The following ZFHX3 variants were observed in gnomAD, a reference collection of about 807,000 sequenced individuals.
The protein encoded by ZFHX3 is zinc finger homeobox 3.
ZFHX3 carries 42 observed loss-of-function variants against 279.1 expected under a neutral mutation model. The observed-to-expected ratio is 0.15, with a 90% CI of 0.12 to 0.19. The LOEUF is 0.19. ZFHX3 is among the 10% of genes least tolerant of loss of function. The pLI, the probability that ZFHX3 is intolerant of heterozygous loss-of-function variation, is 1.00. For missense variants in ZFHX3, 4,981 were observed against 4,754.0 expected, an observed-to-expected ratio of 1.05 and a Z score of -1.40; for synonymous variants, 2,293 against 1,957.8, an observed-to-expected ratio of 1.17 and a Z score of -4.52.
chr16:73,028,640 C>T (rs751208260), intron 1 of ZFHX3, among the ~76,000 whole-genome samples: 19 of 152,182 alleles, frequency 1.2e-4, no homozygotes, highest in Non-Finnish European at 2.4e-4. Flanking sequence ...CTCAACCGCT[C>T]GGAGGGATTC....
At chr16:73,810,265 C>T (rs927181290) in intron 1 of ZFHX3, among the ~76,000 whole-genome samples, 1 of 152,142 alleles carries the variant, frequency 6.6e-6, no homozygotes, top group Non-Finnish European at 1.5e-5. Context: ...AGTCTCTTGC[C>T]ATTTTTAATA....
At chr16:73,495,511 A>G (rs1224223281) in intron 2 of ZFHX3, among the ~76,000 whole-genome samples, 1 of 152,224 alleles carries the variant, frequency 6.6e-6, no homozygotes, top group East Asian at 1.9e-4. Flanking sequence ...AGGAAATAGC[A>G]AAATTCCAGG....
At chr16:73,129,680 ATGTGTGCGCGCATGTG>A (rs1966639761) in intron 7 of ZFHX3, among the ~76,000 whole-genome samples, 1 of 140,670 alleles carries the variant, frequency 7.1e-6, no homozygotes, top group African/African-American at 3.2e-5. Flanking sequence ...GCCTGTGTGC[ATGTGTGCGCGCATGTG>A]CATGTGTGTG....
At chr16:73,880,607 C>A (rs1263546863) in intron 1 of ZFHX3, among the ~76,000 whole-genome samples, 3 of 152,092 alleles carry the variant, frequency 2.0e-5, no homozygotes, top group Admixed American at 1.3e-4. Flanking sequence ...AGGCTTAGAG[C>A]AGTGTAGCTC....
intron 2 of ZFHX3, among the ~76,000 whole-genome samples, chr16:73,629,272 G>C (rs1359088010): frequency 1.3e-5 from 2 of 152,112 alleles, no homozygotes; most frequent in African/African-American, 2.4e-5. Context: ...AATTTCATAT[G>C]GTATTCAGAA....
At chr16:73,084,613 C>A (rs534595770) in intron 8 of ZFHX3, among the ~76,000 whole-genome samples, 1 of 150,800 alleles carries the variant, frequency 6.6e-6, no homozygotes, top group African/African-American at 2.4e-5. Flanking sequence ...CTCCACTTCC[C>A]GGGTTCACAC....
intron 3 of ZFHX3, among the ~76,000 whole-genome samples, chr16:73,436,026 T>C (rs2143525472): frequency 6.6e-6 from 1 of 152,258 alleles, no homozygotes; most frequent in East Asian, 1.9e-4. Context: ...TGAGACTGGG[T>C]AATTTATAAA....
chr16:73,334,810 C>CCTT (rs1555510772), intron 3 of ZFHX3, among the ~76,000 whole-genome samples: 3,785 of 57,938 alleles, frequency 0.065, 539 homozygotes, highest in East Asian at 0.23. Flanking sequence ...CTTTCTCATT[C>CCTT]TTTTTTTTTT....
At chr16:73,890,981 C>G (rs563955274) in intron 1 of ZFHX3, among the ~76,000 whole-genome samples, 11 of 151,926 alleles carry the variant, frequency 7.2e-5, no homozygotes, top group Non-Finnish European at 1.3e-4. Flanking sequence ...CTCTCTCACT[C>G]CGTCTGTCTT....
intron 5 of ZFHX3, among the ~76,000 whole-genome samples, chr16:73,230,035 A>G (rs1005508675): frequency 6.6e-6 from 1 of 152,242 alleles, no homozygotes; most frequent in Non-Finnish European, 1.5e-5. Flanking sequence ...GAATGAATTA[A>G]TAGAGACACA....
intron 3 of ZFHX3, among the ~76,000 whole-genome samples, chr16:73,411,634 A>T (rs1488698464): frequency 6.6e-6 from 1 of 152,224 alleles, no homozygotes; most frequent in Non-Finnish European, 1.5e-5. Context: ...TTAAAATTTT[A>T]AAATTAACTA....
At chr16:73,729,311 G>A (rs1045701260) in intron 1 of ZFHX3, among the ~76,000 whole-genome samples, 6 of 152,214 alleles carry the variant, frequency 3.9e-5, no homozygotes, top group African/African-American at 7.2e-5. Flanking sequence ...TGGATCATTT[G>A]AGGTAAGGAG....
chr16:73,048,689 T>C (rs530729553), upstream of ZFHX3, among the ~76,000 whole-genome samples: 1 of 152,206 alleles, frequency 6.6e-6, no homozygotes, highest in Non-Finnish European at 1.5e-5. Flanking sequence ...CACTCAAGCA[T>C]GGGGACAGGA....
intron 1 of ZFHX3, among the ~76,000 whole-genome samples, chr16:73,040,489 G>C (rs1965070754): frequency 6.6e-6 from 1 of 152,158 alleles, no homozygotes; most frequent in Admixed American, 6.5e-5. Flanking sequence ...GGCCTCTCTA[G>C]GTGGGTCATT....
At position 72,892,982 on chromosome 16, in the gene ZFHX3, C is replaced by T. The variant is rs75553218; in HGVS notation, c.3217-3020G>A. On this transcript the variant is annotated intron_variant, in intron 3 of 9. Transcript: ENST00000268489. ...AAGATGAGCTAGCCCACGTCCCTTC[C>T]CCCAACTACTCCCCGAGGCCCCTCA... 2.2e-3 allele frequency among the ~76,000 whole-genome samples: 336 copies of T among 152,176 alleles called. 1 individual carries two copies. Among genetic ancestry groups the T allele is most frequent in the African/African-American group, 7.9e-3 (327 of 41,526 alleles).
At chr16:73,016,260 C>T (rs979289777) in intron 1 of ZFHX3, among the ~76,000 whole-genome samples, 1 of 152,104 alleles carries the variant, frequency 6.6e-6, no homozygotes, top group Non-Finnish European at 1.5e-5. Context: ...ATTATGTTAA[C>T]AATTAACATG....
At chr16:73,268,737 A>T (rs2014055719) in intron 4 of ZFHX3, among the ~76,000 whole-genome samples, 3 of 152,188 alleles carry the variant, frequency 2.0e-5, no homozygotes, top group Non-Finnish European at 2.9e-5. Flanking sequence ...GTGCAACCCG[A>T]AACACTGCAT....
intron 1 of ZFHX3, among the ~76,000 whole-genome samples, chr16:73,810,153 G>A (rs530473716): frequency 1.0e-3 from 157 of 152,180 alleles, no homozygotes; most frequent in African/African-American, 3.5e-3. Context: ...CAGCCACCCC[G>A]CCACCTCCAC....
At chr16:73,063,039 CCAGCCGGCCCG>C (rs1437650914), upstream of ZFHX3, among the ~76,000 whole-genome samples, 2 of 152,242 alleles carry the variant, frequency 1.3e-5, no homozygotes, top group African/African-American at 4.8e-5. Flanking sequence ...GCGCTCCGGG[CCAGCCGGCCCG>C]TGCCCCAGGC....
Sources: gnomAD v4.1 joint callset for allele counts (sites outside exome capture counted in the v4.1 genomes callset) on GRCh38, gnomAD v4.1.1 for gene constraint, MANE v1.5 for transcripts, NCBI Gene and HGNC (gene_info 2026-07-23, HGNC 2026-07-21) for gene names.